The following KRT40 variants were observed in gnomAD, a reference collection of about 807,000 sequenced individuals.
KRT40 encodes keratin 40, also known as keratin, type I cytoskeletal 40.
A neutral mutation model predicts 43.5 loss-of-function variants in KRT40; 47 were observed. The ratio of observed to expected loss-of-function variants is 1.08; its 90% CI spans 0.86 to 1.38. KRT40 has a LOEUF of 1.38. KRT40 is among the 40% of genes most tolerant of loss of function. The pLI is 0.00. For missense variants in KRT40, 573 were observed against 523.6 expected (o/e 1.09, Z -0.92); for synonymous variants, 212 against 214.0 (o/e 0.99, Z 0.08).
At chr17:40,980,639 T>C (rs1401193312) in intron 5 of KRT40, 146 bp downstream of exon 5, 2 of 1,061,508 alleles carry the variant, frequency 1.9e-6, no homozygotes, top group Non-Finnish European at 2.7e-6. Context: ...GCTGTGGACC[T>C]GTCACTTCTG....
chr17:40,982,485 C>A (rs370143332), intron 2 of KRT40, 22 bp from the exon 3 acceptor site: 23 of 1,517,428 alleles, frequency 1.5e-5, no homozygotes, highest in Non-Finnish European at 1.9e-5. Flanking sequence ...AAAGAGAAAT[C>A]CAACGCTTAC....
chr17:40,985,371 T>A (rs369204845), upstream of KRT40, among the ~76,000 whole-genome samples: 55 of 152,288 alleles, frequency 3.6e-4, 1 homozygote, highest in South Asian at 6.2e-3. Context: ...TCTCTTGGAT[T>A]TCACCTCCAT....
intron 1 of KRT40, 68 bp downstream of exon 1, chr17:40,983,759 C>G: frequency 6.7e-7 from 1 of 1,483,574 alleles, no homozygotes; most frequent in Non-Finnish European, 9.3e-7. Context: ...AAAACAGCCC[C>G]TTCTAGTAGA....
chr17:40,982,333 G>A lies in KRT40; in HGVS notation c.661C>T (p.Leu221Phe). ...TCTTCATGGTTTTTCTTAAGGCAAA[G>A]GAGATCTTCCTTCAGAGACTCCACA... ...AHVESLKEDL[L>F]CLKKNHEEEV... Residue 221 changes from leucine (L) to phenylalanine (F), a missense_variant, in exon 3 of 7, where the codon CTT (leucine) becomes TTT (phenylalanine). Coordinates refer to ENST00000377755, the MANE Select transcript of KRT40 (RefSeq NM_001389244.1). 1 of 1,595,026 alleles carries A rather than the reference G, an allele frequency of 6.3e-7. No homozygotes were observed. Among genetic ancestry groups the A allele is most frequent in the Non-Finnish European group, 8.5e-7 (1 of 1,172,434 alleles).
chr17:40,980,632 G>C (rs896900019), intron 5 of KRT40, among the ~76,000 whole-genome samples, 153 bp downstream of exon 5: 2 of 152,176 alleles, frequency 1.3e-5, no homozygotes, highest in African/African-American at 4.8e-5. Flanking sequence ...AGGACAAGCT[G>C]TGGACCTGTC....
At chr17:40,981,743 C>T (rs562655600) in intron 3 of KRT40, among the ~76,000 whole-genome samples, 159 of 152,306 alleles carry the variant, frequency 1.0e-3, no homozygotes, top group African/African-American at 3.7e-3. Context: ...ACCTCCTCCA[C>T]AAAGGCAAGG....
rs541654741 is a variant in KRT40 at position 40,982,966 on chromosome 17, C to G, written c.530+80G>C. 1.6e-4 allele frequency: 107 copies of G among 656,264 alleles called. No individual in the cohort carries two copies. In the African/African-American group the frequency reaches 1.8e-3, roughly 11 times the overall value. 40.7% of individuals were successfully genotyped at this position (656,264 alleles called of 1,614,324 possible). A position where few individuals can be genotyped will look rare whatever the true frequency, so the allele number is the denominator to read the frequency against. Reference sequence around the variant, plus strand: ...GAGGTTGCAGTGAGCTGAGATAGCACCATTGAGCTCTAGCCTGGGTGACAA... The same window carrying G: ...GAGGTTGCAGTGAGCTGAGATAGCAGCATTGAGCTCTAGCCTGGGTGACAA... On this transcript the variant is annotated intron_variant, in intron 2 of 6. Coordinates refer to ENST00000377755, the MANE Select transcript of KRT40 (RefSeq NM_001389244.1).
chr17:40,979,053 C>T (rs1457780583), intron 5 of KRT40, 29 bp from the exon 6 acceptor site: 21 of 1,564,472 alleles, frequency 1.3e-5, no homozygotes, highest in Admixed American at 1.7e-5. Context: ...TCCAAAGGAC[C>T]ATGAAGTGCA....
intron 2 of KRT40, 42 bp from the exon 3 acceptor site, chr17:40,982,505 C>T (rs375942742): frequency 5.8e-5 from 86 of 1,481,366 alleles, no homozygotes; most frequent in Middle Eastern, 2.4e-4. Flanking sequence ...CTTTGCTGAA[C>T]GCTGTGCAAA....
At chr17:40,982,493 T>C in intron 2 of KRT40, 30 bp from the exon 3 acceptor site, 1 of 1,517,276 alleles carries the variant, frequency 6.6e-7, no homozygotes. Flanking sequence ...ATCCAACGCT[T>C]ACTTTGCTGA....
In KRT40 at chr17:40,979,021, C is replaced by G; in HGVS notation, c.979G>C (p.Glu327Gln). The G allele has an allele frequency of 6.2e-7, 1 of 1,612,560 alleles. No homozygotes were observed. The highest frequency in any genetic ancestry group is 1.1e-5 in the South Asian group (1 of 91,006). The change falls in exon 6 of 7, where the codon GAA (glutamate) becomes CAA (glutamine). Residue 327 changes from glutamate to glutamine, a missense_variant. Coordinates refer to ENST00000377755, the MANE Select transcript of KRT40 (RefSeq NM_001389244.1). The part of the protein sequence containing the change: ...IELQAQQSLT[E>Q]SLECTVAETE... Reference sequence around the variant, plus strand: ...TCTGCCACGGTGCATTCCAGAGATTCTGTCTGCGGGAGGAAACATTGTCCA... The same window carrying G: ...TCTGCCACGGTGCATTCCAGAGATTGTGTCTGCGGGAGGAAACATTGTCCA...
At chr17:40,978,397 GA>G (rs1260144622) in intron 6 of KRT40, 101 bp from the exon 7 acceptor site, 6 of 942,120 alleles carry the variant, frequency 6.4e-6, no homozygotes, top group South Asian at 4.1e-5. Flanking sequence ...ATTATGTTCT[GA>G]AAAAAACTCT....
chr17:40,983,641 C>T (rs910227847), intron 1 of KRT40, among the ~76,000 whole-genome samples, 186 bp downstream of exon 1: 1 of 152,154 alleles, frequency 6.6e-6, no homozygotes, highest in African/African-American at 2.4e-5. Context: ...ACTCAGTAAT[C>T]AGGGGTAGCT....
rs1195943201 is a variant in KRT40, at chr17:40,979,426, C to T, written c.976-402G>A. On this transcript the variant is annotated intron_variant, in intron 5 of 6. Coordinates refer to ENST00000377755, the MANE Select transcript of KRT40 (RefSeq NM_001389244.1). ...GCTACTCAGGAGAATGGTGTGAACCCGGGAGGCAAAGCTTGCAGTAAGTCA... is the reference window on the plus strand; with the variant it reads ...GCTACTCAGGAGAATGGTGTGAACCTGGGAGGCAAAGCTTGCAGTAAGTCA... Among the ~76,000 whole-genome samples the T allele has an allele frequency of 1.3e-4, 19 of 151,140 alleles. 1 individual carries two copies. Among genetic ancestry groups the T allele is most frequent in the Admixed American group, 6.6e-5 (1 of 15,154 alleles).
chr17:40,986,772 A>C (rs1358876601), upstream of KRT40: 1 of 151,896 alleles, frequency 6.6e-6, no homozygotes, highest in Admixed American at 6.5e-5. Context: ...TTTATTTTGC[A>C]TAATACTATG....
upstream of KRT40, among the ~76,000 whole-genome samples, chr17:40,985,735 T>A (rs1324771001): frequency 3.9e-5 from 6 of 152,180 alleles, no homozygotes; most frequent in African/African-American, 1.4e-4. Context: ...TCTTAGAGTG[T>A]CTCATGGTAT....
In KRT40 at chr17:40,983,908, T is replaced by G; in HGVS notation, c.366A>C (p.Gln122His). ...TTGGGATATCCTGTTCACATTGTTC[T>G]TGGATCCTGGATTCCAGCTCTGCGT... ...ETNAELESRI[Q>H]EQCEQDIPMV... is the part of the protein sequence containing the mutation. The change falls in exon 1 of 7, where the codon CAA (glutamine) becomes CAC (histidine). Residue 122 changes from glutamine (Q) to histidine (H), a missense_variant. Coordinates refer to ENST00000377755, the MANE Select transcript of KRT40 (RefSeq NM_001389244.1). 1 of 1,614,168 alleles carries G rather than the reference T, an allele frequency of 6.2e-7. No homozygotes were observed. Among genetic ancestry groups the G allele is most frequent in the Non-Finnish European group, 8.5e-7 (1 of 1,180,028 alleles).
chr17:40,978,159 C>T lies in KRT40; in HGVS notation c.*38G>A. The stretch of plus-strand genomic sequence containing the variant: ...GAAGCCCCATCTCCTTTCTAGGATG[C>T]TGCTGGCTTTGATTCCTCTACCTGC... On this transcript the variant is annotated 3_prime_UTR_variant, in exon 7 of 7. Transcript: ENST00000377755. 2 of 1,487,082 alleles carry T rather than the reference C, an allele frequency of 1.3e-6. No homozygotes were observed. Among genetic ancestry groups the T allele is most frequent in the Non-Finnish European group, 1.9e-6 (2 of 1,066,424 alleles). The allele number at this position is 1,487,082 out of a possible 1,614,324, so 92.1% of individuals were successfully genotyped here. A position where few individuals can be genotyped will look rare whatever the true frequency, so the allele number is the denominator to read the frequency against.
At position 40,983,026 on chromosome 17, in the gene KRT40, T is replaced by A; in HGVS notation, c.530+20A>T. The A allele has an allele frequency of 9.8e-7, 1 of 1,018,852 alleles. No individual in the cohort carries two copies. The allele number at this position is 1,018,852 out of a possible 1,614,324, so 63.1% of individuals were successfully genotyped here. On this transcript the variant is annotated intron_variant, in intron 2 of 6. Transcript: ENST00000377755. ...TCCATCTCAAAATAAATAAATAAAATAAAATTAAATTAAACTTACTTTGAC... is the reference window on the plus strand; with the variant it reads ...TCCATCTCAAAATAAATAAATAAAAAAAAATTAAATTAAACTTACTTTGAC...
Sources: allele counts gnomAD v4.1 joint callset (sites outside exome capture counted in the v4.1 genomes callset), GRCh38; gene constraint gnomAD v4.1.1; transcripts MANE v1.5; gene names NCBI Gene and HGNC (gene_info 2026-07-23, HGNC 2026-07-21).